NEGR1: variants seen among roughly 807,000 people sequenced by gnomAD.
NEGR1 encodes the protein IgLON family member 4.
Under a neutral mutation model 40.9 loss-of-function variants are expected in NEGR1, and 10 were observed. The ratio of observed to expected loss-of-function variants is 0.24; its 90% CI spans 0.15 to 0.42. The LOEUF (loss-of-function observed/expected upper bound fraction) is 0.42. NEGR1 is among the 10% of genes least tolerant of loss of function. The probability of loss-of-function intolerance (pLI) is 1.00; values close to 1 mark genes in which losing one functional copy is unlikely to be tolerated. For missense variants in NEGR1, 352 were observed against 438.9 expected, an observed-to-expected ratio of 0.80 and a Z score of 1.77; for synonymous variants, 185 against 166.8, an observed-to-expected ratio of 1.11 and a Z score of -0.84.
At chr1:72,082,670 A>G (rs1461773597) in intron 1 of NEGR1, among the ~76,000 whole-genome samples, 1 of 151,886 alleles carries the variant, frequency 6.6e-6, no homozygotes, top group Non-Finnish European at 1.5e-5. Context: ...TATGCTTTCA[A>G]AACAACAAAA....
At chr1:71,534,393 T>C (rs546522468) in intron 6 of NEGR1, among the ~76,000 whole-genome samples, 2 of 151,846 alleles carry the variant, frequency 1.3e-5, no homozygotes, top group South Asian at 4.1e-4. Flanking sequence ...TGTCCCGTTC[T>C]GCAGGGCTGA....
chr1:71,820,870 T>C (rs1570393229), intron 2 of NEGR1, among the ~76,000 whole-genome samples: 1 of 152,078 alleles, frequency 6.6e-6, no homozygotes, highest in Non-Finnish European at 1.5e-5. Context: ...TTTGTTCTCA[T>C]AACATTATTA....
intron 1 of NEGR1, among the ~76,000 whole-genome samples, chr1:72,201,578 G>A (rs75725953): frequency 0.022 from 3,289 of 151,802 alleles, 135 homozygotes; most frequent in African/African-American, 0.076. Context: ...CACATGCAAG[G>A]ACAACTGTGT....
chr1:71,970,747 A>T (rs567149403), intron 1 of NEGR1, among the ~76,000 whole-genome samples: 1 of 152,284 alleles, frequency 6.6e-6, no homozygotes, highest in Admixed American at 6.5e-5. Flanking sequence ...GACCTTGGGC[A>T]TTCTTATATG....
intron 2 of NEGR1, among the ~76,000 whole-genome samples, chr1:71,810,869 G>C (rs962499367): frequency 2.6e-5 from 4 of 152,136 alleles, no homozygotes; most frequent in African/African-American, 9.7e-5. Flanking sequence ...GGAACTGTGA[G>C]CCAATTAAAC....
intron 1 of NEGR1, among the ~76,000 whole-genome samples, chr1:71,967,371 A>G (rs183052596): frequency 9.2e-4 from 140 of 152,274 alleles, no homozygotes; most frequent in African/African-American, 3.1e-3. Context: ...AAAGGCACCA[A>G]TCATTTTTCT....
intron 1 of NEGR1, among the ~76,000 whole-genome samples, chr1:72,030,605 C>G (rs867000571): frequency 6.6e-6 from 1 of 151,914 alleles, no homozygotes; most frequent in Non-Finnish European, 1.5e-5. Context: ...AGCAAGCAGG[C>G]CTTTCTGAAA....
In NEGR1 at chr1:72,168,441, G is replaced by A. The variant is rs865774628; in HGVS notation, c.176+113878C>T. On this transcript the variant is annotated intron_variant, in intron 1 of 6. Transcript: ENST00000357731. ...CCCACACACACAGGTATGTACACAG[G>A]AACAATTTTGAAAGTTAAGAAAATG... Among the ~76,000 whole-genome samples the A allele has an allele frequency of 5.3e-5, 8 of 151,948 alleles. 1 individual carries two copies. In the South Asian group the frequency reaches 1.5e-3, roughly 28 times the overall value.
At chr1:72,079,110 T>TAA (rs34007714) in intron 1 of NEGR1, among the ~76,000 whole-genome samples, 2 of 143,326 alleles carry the variant, frequency 1.4e-5, no homozygotes, top group African/African-American at 5.0e-5. Flanking sequence ...TATATATATA[T>TAA]AATATTATAT....
intron 2 of NEGR1, among the ~76,000 whole-genome samples, chr1:71,932,401 G>A (rs2101895153): frequency 6.6e-6 from 1 of 151,996 alleles, no homozygotes; most frequent in Non-Finnish European, 1.5e-5. Flanking sequence ...AGTTCAGAGA[G>A]ACTTAATAAT....
intron 1 of NEGR1, among the ~76,000 whole-genome samples, chr1:72,252,585 G>T (rs1655139605): frequency 6.6e-6 from 1 of 152,092 alleles, no homozygotes; most frequent in African/African-American, 2.4e-5. Flanking sequence ...TATATTACTT[G>T]AGTGGACTCT....
chr1:72,119,311 CTG>C (rs1057469295), intron 1 of NEGR1, among the ~76,000 whole-genome samples: 2 of 151,896 alleles, frequency 1.3e-5, no homozygotes, highest in Non-Finnish European at 2.9e-5. Flanking sequence ...GAATAGCAAA[CTG>C]AGGAATTAGT....
intron 1 of NEGR1, among the ~76,000 whole-genome samples, chr1:72,013,398 G>C (rs1357206881): frequency 1.3e-5 from 2 of 152,130 alleles, no homozygotes; most frequent in Admixed American, 1.3e-4. Context: ...CTCTGGGAGA[G>C]ACCAAGGGTT....
intron 3 of NEGR1, among the ~76,000 whole-genome samples, chr1:71,706,163 T>C (rs929317474): frequency 6.6e-6 from 1 of 152,182 alleles, no homozygotes; most frequent in African/African-American, 2.4e-5. Context: ...ACAGAGCATC[T>C]TTGGACGCTG....
intron 6 of NEGR1, among the ~76,000 whole-genome samples, chr1:71,580,698 C>T (rs1272305211): frequency 6.6e-6 from 1 of 152,058 alleles, no homozygotes; most frequent in East Asian, 1.9e-4. Context: ...GTATAAATCC[C>T]TACCAGGAGC....
intron 4 of NEGR1, among the ~76,000 whole-genome samples, chr1:71,626,062 G>A (rs1650763954): frequency 6.6e-6 from 1 of 151,786 alleles, no homozygotes; most frequent in Non-Finnish European, 1.5e-5. Flanking sequence ...CTGATGATCT[G>A]AGGTGGAACA....
At chr1:71,719,814 C>T (rs1392899447) in intron 3 of NEGR1, among the ~76,000 whole-genome samples, 1 of 151,980 alleles carries the variant, frequency 6.6e-6, no homozygotes, top group Non-Finnish European at 1.5e-5. Context: ...GTGTGATGTT[C>T]TCCTCCCCGT....
At chr1:72,278,199 T>C (rs1656122744) in intron 1 of NEGR1, among the ~76,000 whole-genome samples, 1 of 151,962 alleles carries the variant, frequency 6.6e-6, no homozygotes, top group Admixed American at 6.6e-5. Flanking sequence ...ATGACAAGAG[T>C]TGTGTTTAAC....
chr1:71,398,588 T>G lies in NEGR1; in HGVS notation c.*8858A>C, dbSNP rs1646226787. On this transcript the variant is annotated 3_prime_UTR_variant, in exon 7 of 7. Coordinates refer to ENST00000357731, the MANE Select transcript of NEGR1 (RefSeq NM_173808.3). ...ACTTGCTTTTGATTTTACTGGCTGC[T>G]CATAGGCAGAAGAGACTTGCCTTGT... The G allele has an allele frequency of 6.6e-6, 1 of 152,244 alleles. No individual in the cohort carries two copies. Among genetic ancestry groups the G allele is most frequent in the Non-Finnish European group, 1.5e-5 (1 of 68,078 alleles). The allele number at this position is 152,244 out of a possible 1,614,324, so 9.4% of individuals were successfully genotyped here.
Sources: allele counts gnomAD v4.1 joint callset (sites outside exome capture counted in the v4.1 genomes callset), GRCh38; gene constraint gnomAD v4.1.1; transcripts MANE v1.5; gene names NCBI Gene and HGNC (gene_info 2026-07-23, HGNC 2026-07-21).